The following TYW1B variants were observed in gnomAD, a reference collection of about 807,000 sequenced individuals.
TYW1B encodes S-adenosyl-L-methionine-dependent tRNA 4-demethylwyosine synthase TYW1B.
Under a neutral mutation model 86.9 loss-of-function variants are expected in TYW1B, and 73 were observed. The observed-to-expected ratio is 0.84, with a 90% confidence interval of 0.70 to 1.02. The LOEUF (loss-of-function observed/expected upper bound fraction) is 1.02. TYW1B is among the 50% of genes least tolerant of loss of function. The pLI is 0.00. For synonymous variants in TYW1B, 248 were observed against 292.8 expected (o/e 0.85, Z 1.56); for missense variants, 637 against 827.4 (o/e 0.77, Z 2.82).
At chr7:72,608,596 T>C (rs1393787429) in intron 13 of TYW1B, among the ~76,000 whole-genome samples, 2 of 152,002 alleles carry the variant, frequency 1.3e-5, no homozygotes, top group Non-Finnish European at 2.9e-5. Context: ...ATTGGCAGAG[T>C]AGACTAAAAA....
At position 72,775,531 on chromosome 7, in the gene TYW1B, T is replaced by G. The variant is rs116916327; in HGVS notation, c.964+1885A>C. ...CAGTGCAGTAACATCTGTAAAGTACTGAAAGAAAAAACAGCTGTCAACCTA... is the reference window on the plus strand; with the variant it reads ...CAGTGCAGTAACATCTGTAAAGTACGGAAAGAAAAAACAGCTGTCAACCTA... On this transcript the variant is annotated intron_variant, in intron 7 of 13. Transcript: ENST00000620995. 4.8e-3 allele frequency among the ~76,000 whole-genome samples: 735 copies of G among 152,088 alleles called. 2 individuals are homozygous for G. The highest frequency in any genetic ancestry group is 9.8e-3 in the Admixed American group (149 of 15,254).
rs60588106 is a variant in TYW1B at position 72,667,048 on chromosome 7, A to AAAAAAAAAG, written c.1506+27638_1506+27639insCTTTTTTTT. Among the ~76,000 whole-genome samples the AAAAAAAAAG allele has an allele frequency of 3.2e-3, 419 of 131,278 alleles. 26 individuals carry two copies. The highest frequency in any genetic ancestry group is 5.2e-3 in the African/African-American group (166 of 32,004). The allele number at this position is 131,278 out of a possible 152,430, so 86.1% of individuals were successfully genotyped here. ...CTCCGTCTCAAAAAAAAAAAAAAAA[A>AAAAAAAAAG]AAAGAAACTAAAACAGGGTAAAATG... On this transcript the variant is annotated intron_variant, in intron 11 of 13. Coordinates refer to ENST00000620995, the MANE Select transcript of TYW1B (RefSeq NM_001145440.3).
intron 7 of TYW1B, among the ~76,000 whole-genome samples, chr7:72,746,533 T>C (rs782066883): frequency 1.3e-5 from 2 of 152,220 alleles, no homozygotes; most frequent in African/African-American, 2.4e-5. Flanking sequence ...TATGCTCCCC[T>C]GTCCCATTCA....
At chr7:72,787,545 A>G (rs7788990) in intron 6 of TYW1B, among the ~76,000 whole-genome samples, 104,024 of 151,532 alleles carry the variant, frequency 0.69, 36,652 homozygotes, top group Non-Finnish European at 0.77. Context: ...TCACAAGGTC[A>G]GTGGATCACA....
At chr7:72,594,285 G>C (rs1369024067) in intron 13 of TYW1B, among the ~76,000 whole-genome samples, 1 of 151,144 alleles carries the variant, frequency 6.6e-6, no homozygotes, top group Non-Finnish European at 1.5e-5. Context: ...TTTAAAAAGA[G>C]AGAAATAAGA....
intron 7 of TYW1B, among the ~76,000 whole-genome samples, chr7:72,758,264 C>G (rs1481772344): frequency 6.6e-6 from 1 of 151,906 alleles, no homozygotes; most frequent in Non-Finnish European, 1.5e-5. Flanking sequence ...ATAGTTCCAG[C>G]TATTTGAGGG....
At chr7:72,644,013 A>G (rs1375362291) in intron 11 of TYW1B, among the ~76,000 whole-genome samples, 2 of 152,196 alleles carry the variant, frequency 1.3e-5, no homozygotes, top group East Asian at 3.8e-4. Context: ...TATACAAAAG[A>G]ATCCCAAGAT....
chr7:72,803,281 G>A (rs1393492316), intron 5 of TYW1B, among the ~76,000 whole-genome samples: 1 of 152,036 alleles, frequency 6.6e-6, no homozygotes, highest in Non-Finnish European at 1.5e-5. Context: ...GAAAGGGCAT[G>A]ACGGAGTGGG....
At chr7:72,702,986 CTATATATATATATATATATATATATA>C (rs371144509) in intron 10 of TYW1B, among the ~76,000 whole-genome samples, 1 of 36,314 alleles carries the variant, frequency 2.8e-5, no homozygotes, top group Non-Finnish European at 5.8e-5. Flanking sequence ...ATCTATCTAT[CTATATATATATATATATATATATATA>C]TATATATATA....
At chr7:72,738,655 A>G (rs1348682647) in intron 8 of TYW1B, among the ~76,000 whole-genome samples, 5 of 152,208 alleles carry the variant, frequency 3.3e-5, no homozygotes, top group African/African-American at 7.2e-5. Flanking sequence ...TGTGTGGGAC[A>G]AGAAATAGCA....
chr7:72,820,480 T>C (rs1242447287), intron 2 of TYW1B, among the ~76,000 whole-genome samples: 3 of 152,178 alleles, frequency 2.0e-5, no homozygotes, highest in African/African-American at 7.2e-5. Flanking sequence ...GTTTATTTGG[T>C]TCACAATTCT....
At chr7:72,602,856 A>G (rs1811699158) in intron 13 of TYW1B, among the ~76,000 whole-genome samples, 2 of 150,990 alleles carry the variant, frequency 1.3e-5, no homozygotes, top group Non-Finnish European at 3.0e-5. Context: ...ACACACACAC[A>G]CACACACACA....
rs1813139530 is a variant in TYW1B, at chr7:72,654,023, T to A, written c.1507-25026A>T. Reference sequence around the variant, plus strand: ...TGAACCCAGGAGGCGGAGGCTGCAGTGAGCTAAGAGCATGCCACTGCACTC... The same window carrying A: ...TGAACCCAGGAGGCGGAGGCTGCAGAGAGCTAAGAGCATGCCACTGCACTC... On this transcript the variant is annotated intron_variant, in intron 11 of 13. Transcript: ENST00000620995. Among the ~76,000 whole-genome samples the A allele has an allele frequency of 5.5e-5, 8 of 146,030 alleles. No individual in the cohort carries two copies. The South Asian group carries it at 1.7e-3, about 31-fold the overall frequency.
chr7:72,709,433 C>A (rs1814690796), intron 10 of TYW1B, among the ~76,000 whole-genome samples: 1 of 152,032 alleles, frequency 6.6e-6, no homozygotes, highest in Non-Finnish European at 1.5e-5. Flanking sequence ...CTTTGGGAGG[C>A]CAAGGCGGGC....
chr7:72,799,131 C>T (rs1481628185), intron 6 of TYW1B, among the ~76,000 whole-genome samples: 3 of 148,656 alleles, frequency 2.0e-5, no homozygotes, highest in Non-Finnish European at 4.4e-5. Context: ...GCATGAGCCA[C>T]GGCAACTGAC....
intron 6 of TYW1B, among the ~76,000 whole-genome samples, chr7:72,782,240 G>A (rs1162787937): frequency 2.0e-4 from 31 of 152,030 alleles, no homozygotes; most frequent in Non-Finnish European, 3.2e-4. Context: ...GGTGAGCTAT[G>A]ATCACACCAC....
intron 12 of TYW1B, among the ~76,000 whole-genome samples, chr7:72,626,918 T>C (rs1554438953): frequency 6.6e-6 from 1 of 151,866 alleles, no homozygotes; most frequent in African/African-American, 2.4e-5. Flanking sequence ...CGCCCTTTCC[T>C]AGTGCACCTA....
At chr7:72,681,654 G>A (rs568911839) in intron 11 of TYW1B, among the ~76,000 whole-genome samples, 39 of 150,282 alleles carry the variant, frequency 2.6e-4, no homozygotes, top group African/African-American at 9.3e-4. Context: ...GAGTGCAGGG[G>A]CACGATCCCC....
At chr7:72,660,450 C>A (rs1554444296) in intron 11 of TYW1B, among the ~76,000 whole-genome samples, 1 of 152,080 alleles carries the variant, frequency 6.6e-6, no homozygotes, top group Admixed American at 6.6e-5. Flanking sequence ...TTTATAAAAA[C>A]AAGTCACGCC....
Sources: allele counts gnomAD v4.1 joint callset (sites outside exome capture counted in the v4.1 genomes callset), GRCh38; gene constraint gnomAD v4.1.1; transcripts MANE v1.5; gene names NCBI Gene and HGNC (gene_info 2026-07-23, HGNC 2026-07-21).